KLF12: variants seen among roughly 807,000 people sequenced by gnomAD.
KLF12 encodes the protein Krueppel-like factor 12.
KLF12 carries 9 observed loss-of-function variants against 37.8 expected under a neutral mutation model. That is an observed-to-expected ratio of 0.24 (90% CI 0.14 to 0.42). The LOEUF (loss-of-function observed/expected upper bound fraction) is 0.42. KLF12 is among the 10% of genes least tolerant of loss of function. The probability of loss-of-function intolerance (pLI) is 1.00; values close to 1 mark genes in which losing one functional copy is unlikely to be tolerated. For synonymous variants in KLF12, 208 were observed against 202.1 expected, an observed-to-expected ratio of 1.03 and a Z score of -0.25; for missense variants, 411 against 516.0, an observed-to-expected ratio of 0.80 and a Z score of 1.97.
chr13:74,081,925 T>A (rs1264441079), intron 1 of KLF12, among the ~76,000 whole-genome samples: 1 of 152,176 alleles, frequency 6.6e-6, no homozygotes, highest in East Asian at 1.9e-4. Flanking sequence ...TGTCTGTACA[T>A]GCCCATTAGC....
intron 2 of KLF12, among the ~76,000 whole-genome samples, chr13:73,984,295 A>G (rs1891765808): frequency 6.6e-6 from 1 of 152,200 alleles, no homozygotes; most frequent in Non-Finnish European, 1.5e-5. Context: ...TGCCGCATGC[A>G]TCTCACACTG....
At chr13:73,925,845 T>C (rs1889350506) in intron 3 of KLF12, among the ~76,000 whole-genome samples, 1 of 152,154 alleles carries the variant, frequency 6.6e-6, no homozygotes, top group African/African-American at 2.4e-5. Context: ...ATGGATGACT[T>C]GGAGGTGTTT....
intron 3 of KLF12, among the ~76,000 whole-genome samples, chr13:73,868,682 C>T (rs781416601): frequency 2.0e-5 from 3 of 152,202 alleles, no homozygotes; most frequent in Non-Finnish European, 1.5e-5. Flanking sequence ...TGAGCCACTA[C>T]GCCTGGCCTA....
At chr13:73,969,029 TAAAAA>T (rs58954841) in intron 2 of KLF12, among the ~76,000 whole-genome samples, 3 of 147,628 alleles carry the variant, frequency 2.0e-5, no homozygotes, top group Non-Finnish European at 3.0e-5. Flanking sequence ...CCCCATACTT[TAAAAA>T]AAAAAAAAAA....
At chr13:74,253,916 A>C in the KLF12 span, among the ~76,000 whole-genome samples, 1 of 152,184 alleles carries the variant, frequency 6.6e-6, no homozygotes, top group Non-Finnish European at 1.5e-5. Flanking sequence ...ACAATATGAA[A>C]CTTTTAATGT....
At chr13:74,136,269 C>G (rs1333728327), upstream of KLF12, among the ~76,000 whole-genome samples, 1 of 152,082 alleles carries the variant, frequency 6.6e-6, no homozygotes, top group Non-Finnish European at 1.5e-5. Flanking sequence ...GTCTCTGTTC[C>G]GGGGAATGCA....
intron 5 of KLF12, among the ~76,000 whole-genome samples, chr13:73,788,474 G>A (rs1436919066): frequency 6.6e-6 from 1 of 152,054 alleles, no homozygotes; most frequent in African/African-American, 2.4e-5. Context: ...ATGCATGTAG[G>A]CAGCTATAGT....
chr13:74,100,191 T>C (rs1325557656), intron 1 of KLF12, among the ~76,000 whole-genome samples: 2 of 152,132 alleles, frequency 1.3e-5, no homozygotes, highest in East Asian at 3.8e-4. Context: ...AATAAATATG[T>C]TGAGGATAAC....
At chr13:74,156,731 T>G in the KLF12 span, among the ~76,000 whole-genome samples, 1 of 152,122 alleles carries the variant, frequency 6.6e-6, no homozygotes, top group African/African-American at 2.4e-5. Flanking sequence ...GATATTTGTC[T>G]TTCTGTACCT....
At chr13:74,258,363 TAA>T in the KLF12 span, 2 of 152,166 alleles carry the variant, frequency 1.3e-5, no homozygotes, top group Admixed American at 6.5e-5. Context: ...TTCTTTCCCC[TAA>T]GTCTCAGTTC....
chr13:73,738,878 T>A (rs1877731389), intron 6 of KLF12, among the ~76,000 whole-genome samples: 1 of 152,180 alleles, frequency 6.6e-6, no homozygotes, highest in Admixed American at 6.5e-5. Context: ...CATCTAACTG[T>A]GCCACTATGG....
At chr13:74,161,244 T>C in the KLF12 span, among the ~76,000 whole-genome samples, 1 of 151,998 alleles carries the variant, frequency 6.6e-6, no homozygotes, top group Non-Finnish European at 1.5e-5. Context: ...TTTTATAGTG[T>C]CCTCCCAAAA....
the KLF12 span, among the ~76,000 whole-genome samples, chr13:74,271,564 A>C: frequency 7.9e-5 from 12 of 152,194 alleles, no homozygotes; most frequent in Non-Finnish European, 1.5e-4. Context: ...ACTCCAAAGG[A>C]AAGTCACTTT....
chr13:73,717,854 G>T lies in KLF12; in HGVS notation c.870-2329C>A, dbSNP rs146224383. The stretch of plus-strand genomic sequence containing the variant: ...GGTATATTTTTATCACTGGGTTTGA[G>T]TCCCATGAACAAGTAAGACTGTGTG... On this transcript the variant is annotated intron_variant, in intron 6 of 7. Transcript: ENST00000377669. Among the ~76,000 whole-genome samples, 392 of 152,282 alleles carry T rather than the reference G, an allele frequency of 2.6e-3. 1 individual carries two copies. Among genetic ancestry groups the T allele is most frequent in the African/African-American group, 8.8e-3 (366 of 41,556 alleles).
chr13:74,251,039 T>G, the KLF12 span, among the ~76,000 whole-genome samples: 7 of 152,122 alleles, frequency 4.6e-5, no homozygotes, highest in African/African-American at 1.7e-4. Flanking sequence ...AGGCTACAAG[T>G]TTAATGAAAG....
intron 1 of KLF12, among the ~76,000 whole-genome samples, chr13:74,079,769 G>A (rs185371980): frequency 6.6e-4 from 101 of 152,316 alleles, no homozygotes; most frequent in Non-Finnish European, 1.0e-3. Flanking sequence ...AAACTCTTGT[G>A]TACTGTTGGT....
At chr13:74,303,326 T>C in the KLF12 span, among the ~76,000 whole-genome samples, 1 of 152,180 alleles carries the variant, frequency 6.6e-6, no homozygotes, top group Non-Finnish European at 1.5e-5. Flanking sequence ...ATTGAATTCC[T>C]GTCTTTCCTA....
the KLF12 span, among the ~76,000 whole-genome samples, chr13:74,199,790 C>G: frequency 6.6e-6 from 1 of 152,140 alleles, no homozygotes; most frequent in South Asian, 2.1e-4. Flanking sequence ...AATTTATTCA[C>G]TTTTAGATTT....
chr13:73,951,076 A>T (rs944478655), intron 2 of KLF12, among the ~76,000 whole-genome samples: 2 of 152,232 alleles, frequency 1.3e-5, no homozygotes, highest in Admixed American at 1.3e-4. Context: ...GACGATCAAG[A>T]AGTACATTTG....
Sources: gnomAD v4.1 joint callset for allele counts (sites outside exome capture counted in the v4.1 genomes callset) on GRCh38, gnomAD v4.1.1 for gene constraint, MANE v1.5 for transcripts, NCBI Gene and HGNC (gene_info 2026-07-23, HGNC 2026-07-21) for gene names.